Variants in CERS6 observed in about 807,000 individuals in gnomAD.
CERS6 encodes the protein LAG1 homolog, ceramide synthase 6.
A neutral mutation model predicts 56.8 loss-of-function variants in CERS6; 26 were observed. The ratio of observed to expected loss-of-function variants is 0.46; its 90% confidence interval spans 0.34 to 0.63. The LOEUF is 0.63. Ranked by LOEUF, CERS6 falls within the 30% of genes least tolerant of loss-of-function variation. The pLI, the probability that CERS6 is intolerant of heterozygous loss-of-function variation, is 0.01. For missense variants in CERS6, 415 were observed against 467.5 expected (o/e 0.89, Z 1.04); for synonymous variants, 164 against 173.3 (o/e 0.95, Z 0.42).
intron 4 of CERS6, among the ~76,000 whole-genome samples, chr2:168,662,127 C>CTTTTTTTTT (rs71397658): frequency 1.6e-4 from 22 of 136,808 alleles, no homozygotes; most frequent in African/African-American, 5.8e-4. Context: ...AAGGCTGTCT[C>CTTTTTTTTT]TTTTTTTTTT....
intron 3 of CERS6, among the ~76,000 whole-genome samples, chr2:168,577,080 G>A (rs1559005381): frequency 6.6e-6 from 1 of 152,210 alleles, no homozygotes; most frequent in African/African-American, 2.4e-5. Context: ...GGGAGGAGGT[G>A]TGGACTTGGC....
chr2:168,514,181 A>T (rs1694845940), intron 1 of CERS6, among the ~76,000 whole-genome samples: 1 of 152,116 alleles, frequency 6.6e-6, no homozygotes, highest in African/African-American at 2.4e-5. Context: ...GAATAGTCAG[A>T]GTCTGTCAGG....
At chr2:168,481,487 C>T (rs1694178251) in intron 1 of CERS6, among the ~76,000 whole-genome samples, 1 of 152,086 alleles carries the variant, frequency 6.6e-6, no homozygotes, top group Admixed American at 6.5e-5. Flanking sequence ...TTTGCCTGTG[C>T]TCAGAAAGTT....
At chr2:168,553,259 A>G (rs1031902818) in intron 2 of CERS6, among the ~76,000 whole-genome samples, 1 of 152,240 alleles carries the variant, frequency 6.6e-6, no homozygotes, top group Non-Finnish European at 1.5e-5. Context: ...TCTCTGTAAT[A>G]GGAATCCCTT....
chr2:168,632,620 G>A (rs907909744), intron 4 of CERS6, among the ~76,000 whole-genome samples: 2 of 152,120 alleles, frequency 1.3e-5, no homozygotes, highest in African/African-American at 4.8e-5. Context: ...TGGTTTAAAC[G>A]GCTTATTTTG....
At chr2:168,537,299 G>A (rs1415528285) in intron 1 of CERS6, among the ~76,000 whole-genome samples, 2 of 152,160 alleles carry the variant, frequency 1.3e-5, no homozygotes, top group Non-Finnish European at 1.5e-5. Flanking sequence ...ATAATTGTGC[G>A]TGAAAATCTT....
At chr2:168,674,371 A>G (rs1444628380) in intron 4 of CERS6, among the ~76,000 whole-genome samples, 1 of 152,184 alleles carries the variant, frequency 6.6e-6, no homozygotes, top group Non-Finnish European at 1.5e-5. Flanking sequence ...AGGATTGTCT[A>G]ATTAAACTTC....
intron 1 of CERS6, among the ~76,000 whole-genome samples, chr2:168,471,021 A>G (rs759402868): frequency 5.9e-5 from 9 of 152,158 alleles, no homozygotes; most frequent in African/African-American, 1.2e-4. Flanking sequence ...ACCAGTGTCA[A>G]TACTTGTGAT....
At chr2:168,682,945 T>C (rs1686257563) in intron 4 of CERS6, among the ~76,000 whole-genome samples, 1 of 152,214 alleles carries the variant, frequency 6.6e-6, no homozygotes. Flanking sequence ...TATTGAACAA[T>C]CCGATTTATC....
chr2:168,583,243 G>A (rs902500646), intron 3 of CERS6, among the ~76,000 whole-genome samples: 2 of 152,142 alleles, frequency 1.3e-5, no homozygotes, highest in Non-Finnish European at 2.9e-5. Context: ...AGGGCGTCGA[G>A]ACAGGTACAA....
At chr2:168,601,710 T>C (rs1466450927) in intron 3 of CERS6, among the ~76,000 whole-genome samples, 1 of 152,026 alleles carries the variant, frequency 6.6e-6, no homozygotes, top group Non-Finnish European at 1.5e-5. Flanking sequence ...CCACCATGCC[T>C]GGCTAATTTT....
chr2:168,761,293 G>A (rs755234557), intron 8 of CERS6, among the ~76,000 whole-genome samples: 1 of 152,122 alleles, frequency 6.6e-6, no homozygotes, highest in East Asian at 1.9e-4. Context: ...TCATGGCAAA[G>A]CCTATAAATC....
At chr2:168,707,205 G>A (rs4090784) in intron 6 of CERS6, among the ~76,000 whole-genome samples, 7,235 of 152,226 alleles carry the variant, frequency 0.048, 275 homozygotes, top group African/African-American at 0.1. Context: ...GGCACTTGGT[G>A]TTTTTAAAAT....
chr2:168,561,385 A>G, intron 3 of CERS6, 63 bp downstream of exon 3: 1 of 1,594,500 alleles, frequency 6.3e-7, no homozygotes, highest in Non-Finnish European at 8.6e-7. Flanking sequence ...CCTGAGGTGA[A>G]AAATAAAAGA....
rs374651561 is a variant in CERS6, at chr2:168,528,171, T to C, written c.171-19425T>C. ...AATTTTGAGGGACACATTCAAACCA[T>C]TGCACCATGTATTTACTATTATAGT... On this transcript the variant is annotated intron_variant, in intron 1 of 9. Coordinates refer to ENST00000305747, the MANE Select transcript of CERS6 (RefSeq NM_203463.3). 5.9e-5 allele frequency among the ~76,000 whole-genome samples: 9 copies of C among 152,334 alleles called. No homozygotes were observed. In the South Asian group the frequency reaches 1.0e-3, roughly 18 times the overall value.
chr2:168,462,512 A>T (rs1011112571), intron 1 of CERS6, among the ~76,000 whole-genome samples: 3 of 152,108 alleles, frequency 2.0e-5, no homozygotes, highest in Admixed American at 6.6e-5. Context: ...TCTATACTGT[A>T]GCATGATTGA....
intron 1 of CERS6, among the ~76,000 whole-genome samples, chr2:168,494,821 A>T (rs1255822548): frequency 6.6e-6 from 1 of 152,150 alleles, no homozygotes; most frequent in Non-Finnish European, 1.5e-5. Flanking sequence ...TCCACCTGGC[A>T]ATCTTCATTT....
chr2:168,483,365 C>T (rs967794776), intron 1 of CERS6, among the ~76,000 whole-genome samples: 2 of 151,558 alleles, frequency 1.3e-5, no homozygotes, highest in Admixed American at 1.3e-4. Context: ...GTTGACTCAT[C>T]TTGGACTGGA....
At chr2:168,664,965 A>G (rs1685721004) in intron 4 of CERS6, among the ~76,000 whole-genome samples, 1 of 152,208 alleles carries the variant, frequency 6.6e-6, no homozygotes, top group African/African-American at 2.4e-5. Context: ...ACATCATGGT[A>G]CTATGATACC....
Sources: gnomAD v4.1 joint callset for allele counts (sites outside exome capture counted in the v4.1 genomes callset) on GRCh38, gnomAD v4.1.1 for gene constraint, MANE v1.5 for transcripts, NCBI Gene and HGNC (gene_info 2026-07-23, HGNC 2026-07-21) for gene names.